The following PPP1R12B variants were observed in gnomAD, a reference collection of about 807,000 sequenced individuals.
PPP1R12B encodes protein phosphatase 1 regulatory subunit 12B.
Under a neutral mutation model 126.1 loss-of-function variants are expected in PPP1R12B, and 76 were observed. The observed-to-expected ratio is 0.60, with a 90% CI of 0.50 to 0.73. The LOEUF (loss-of-function observed/expected upper bound fraction) is 0.73. Ranked by LOEUF, PPP1R12B falls within the 30% of genes least tolerant of loss-of-function variation. The pLI is 0.00. For missense variants in PPP1R12B, 1,052 were observed against 1,205.1 expected, an observed-to-expected ratio of 0.87 and a Z score of 1.88; for synonymous variants, 356 against 434.7, an observed-to-expected ratio of 0.82 and a Z score of 2.25.
intron 13 of PPP1R12B, among the ~76,000 whole-genome samples, chr1:202,464,621 G>A (rs1674750526): frequency 6.6e-6 from 1 of 152,144 alleles, no homozygotes. Context: ...TTACTCTCCA[G>A]CTAAGCCCAC....
intron 1 of PPP1R12B, among the ~76,000 whole-genome samples, chr1:202,355,854 C>G (rs776680250): frequency 6.6e-6 from 1 of 152,134 alleles, no homozygotes. Flanking sequence ...GACTGAGGTA[C>G]TCTGAAGACG....
At chr1:202,388,833 A>G (rs1663598803) in intron 1 of PPP1R12B, among the ~76,000 whole-genome samples, 1 of 152,226 alleles carries the variant, frequency 6.6e-6, no homozygotes, top group Admixed American at 6.5e-5. Context: ...ATGCAGAAAT[A>G]GTCAAGTAAA....
At chr1:202,576,950 A>G (rs965506360) in intron 23 of PPP1R12B, 1 of 152,206 alleles carries the variant, frequency 6.6e-6, no homozygotes, top group Admixed American at 6.5e-5. Flanking sequence ...CCACTGTAAT[A>G]TAAGCTGTCT....
chr1:202,354,055 G>T (rs1038058772), intron 1 of PPP1R12B, among the ~76,000 whole-genome samples: 2 of 151,992 alleles, frequency 1.3e-5, no homozygotes, highest in Non-Finnish European at 2.9e-5. Flanking sequence ...TAAGGAGTTG[G>T]ACCAGTCTTG....
At chr1:202,563,214 T>C (rs1468032283) in intron 20 of PPP1R12B, among the ~76,000 whole-genome samples, 1 of 152,204 alleles carries the variant, frequency 6.6e-6, no homozygotes, top group Non-Finnish European at 1.5e-5. Context: ...ACTCCTGGGT[T>C]CATAGGGTCC....
intron 12 of PPP1R12B, among the ~76,000 whole-genome samples, chr1:202,446,336 C>G (rs188825643): frequency 1.4e-3 from 198 of 143,570 alleles, no homozygotes; most frequent in Non-Finnish European, 2.6e-3. Flanking sequence ...TGACTGCAAC[C>G]TTCACCTCCC....
intron 23 of PPP1R12B, chr1:202,575,734 A>T (rs1572562770): frequency 6.6e-6 from 1 of 152,214 alleles, no homozygotes; most frequent in East Asian, 1.9e-4. Context: ...CCATCCCCAA[A>T]TAATCAGTGG....
Position 202,588,340 on chromosome 1 carries a change from G to GTTGT in PPP1R12B, c.*7783_*7786dup, listed in dbSNP as rs1376862905. 6.6e-6 allele frequency: 1 copy of GTTGT among 152,614 alleles called. No individual in the cohort carries two copies. Among genetic ancestry groups the GTTGT allele is most frequent in the Non-Finnish European group, 1.5e-5 (1 of 68,032 alleles). 9.5% of individuals were successfully genotyped at this position (152,614 alleles called of 1,614,324 possible). ...ACACCTGGGATGGGGTGGGGTTGGGGTTGTTTAGGGAGAAGCAGCCAGACT... is the reference window on the plus strand; with the variant it reads ...ACACCTGGGATGGGGTGGGGTTGGGGTTGTTTGTTTAGGGAGAAGCAGCCAGACT... On this transcript the variant is annotated 3_prime_UTR_variant, in exon 24 of 24. Transcript: ENST00000608999.
intron 1 of PPP1R12B, among the ~76,000 whole-genome samples, chr1:202,363,653 G>T (rs1316606034): frequency 6.6e-6 from 1 of 152,178 alleles, no homozygotes; most frequent in African/African-American, 2.4e-5. Flanking sequence ...AGAGTTGCAG[G>T]ACTGTCAGAT....
At chr1:202,413,387 A>C (rs1285532488) in intron 1 of PPP1R12B, among the ~76,000 whole-genome samples, 1 of 152,176 alleles carries the variant, frequency 6.6e-6, no homozygotes, top group Admixed American at 6.5e-5. Context: ...GATATGTACT[A>C]CTTAAGTCCT....
intron 1 of PPP1R12B, among the ~76,000 whole-genome samples, chr1:202,394,829 A>G (rs1311010026): frequency 6.6e-6 from 1 of 152,104 alleles, no homozygotes; most frequent in East Asian, 1.9e-4. Context: ...AAAAGAAAAG[A>G]AAATCAATTT....
In PPP1R12B at chr1:202,449,070, C is replaced by T; in HGVS notation, c.1749C>T (p.Ile583=). The change falls in exon 13 of 24, where the codon ATC becomes ATT. Residue 583 remains isoleucine, a synonymous_variant. Coordinates refer to ENST00000608999, the MANE Select transcript of PPP1R12B (RefSeq NM_002481.4). The stretch of plus-strand genomic sequence containing the variant: ...CTTCTAGCACCCCGCTCTGTGTGAT[C>T]ACCAATCGCCCTCTTCCTAGCACTG... ...NVSSSTPLCV[I]TNRPLPSTAN... is the part of the protein sequence containing the mutation. 1.9e-6 allele frequency: 3 copies of T among 1,613,934 alleles called. No individual in the cohort carries two copies. The highest frequency in any genetic ancestry group is 2.5e-6 in the Non-Finnish European group (3 of 1,179,866).
chr1:202,442,633 T>C, intron 12 of PPP1R12B, 61 bp downstream of exon 12: 19 of 1,493,344 alleles, frequency 1.3e-5, no homozygotes, highest in Non-Finnish European at 1.5e-5. Flanking sequence ...AAATGGGTAA[T>C]GATTGTATGC....
At chr1:202,454,923 A>T (rs1398181916) in intron 13 of PPP1R12B, among the ~76,000 whole-genome samples, 3 of 144,000 alleles carry the variant, frequency 2.1e-5, no homozygotes, top group Non-Finnish European at 4.6e-5. Context: ...CCCTGTCTCT[A>T]AAAAAAAAAA....
chr1:202,572,860 TCTC>T (rs1347441795), intron 23 of PPP1R12B, among the ~76,000 whole-genome samples: 14 of 152,260 alleles, frequency 9.2e-5, no homozygotes, highest in Admixed American at 7.2e-4. Context: ...CCCTGCCCCT[TCTC>T]CTCTCCTCCT....
Position 202,586,402 on chromosome 1 carries a change from CTT to C in PPP1R12B, c.*5844_*5845del, listed in dbSNP as rs1389660030. On this transcript the variant is annotated 3_prime_UTR_variant, in exon 24 of 24. Transcript: ENST00000608999. The stretch of plus-strand genomic sequence containing the variant: ...GGAAGAGAGTTTCACAGAAACAAAG[CTT>C]TGTCACACAGAAATGAGTTCTGTCT... 6.6e-6 allele frequency: 1 copy of C among 152,268 alleles called. No homozygotes were observed. Among genetic ancestry groups the C allele is most frequent in the Non-Finnish European group, 1.5e-5 (1 of 68,070 alleles). 9.4% of individuals were successfully genotyped at this position (152,268 alleles called of 1,614,324 possible). A position where few individuals can be genotyped will look rare whatever the true frequency, so the allele number is the denominator to read the frequency against.
intron 13 of PPP1R12B, chr1:202,471,780 A>G: frequency 9.0e-7 from 1 of 1,107,700 alleles, no homozygotes; most frequent in Non-Finnish European, 1.3e-6. Context: ...GTTCTTTTTT[A>G]AAAAATGGGT....
chr1:202,535,238 A>G (rs1684421028), intron 18 of PPP1R12B, among the ~76,000 whole-genome samples: 1 of 152,128 alleles, frequency 6.6e-6, no homozygotes, highest in Admixed American at 6.6e-5. Flanking sequence ...TCAAATACAC[A>G]CCCTTCCCAA....
At chr1:202,569,497 G>T (rs948191114) in intron 23 of PPP1R12B, among the ~76,000 whole-genome samples, 1 of 152,148 alleles carries the variant, frequency 6.6e-6, no homozygotes, top group Non-Finnish European at 1.5e-5. Context: ...TTTTCAAGCA[G>T]TATCTTTGCC....
Sources: allele counts gnomAD v4.1 joint callset (sites outside exome capture counted in the v4.1 genomes callset), GRCh38; gene constraint gnomAD v4.1.1; transcripts MANE v1.5; gene names NCBI Gene and HGNC (gene_info 2026-07-23, HGNC 2026-07-21).